Variants in ILRUN observed in about 807,000 individuals in gnomAD.
ILRUN encodes the protein inflammation and lipid regulator with UBA-like and NBR1-like domains, also known as protein ILRUN.
In ILRUN, 3 loss-of-function variants were observed where a neutral mutation model predicts 33.8. The ratio of observed to expected loss-of-function variants is 0.09; its 90% CI spans 0.04 to 0.23. The LOEUF is 0.23. Ranked by LOEUF, ILRUN falls within the 10% of genes least tolerant of loss-of-function variation. The pLI is 1.00. For missense variants in ILRUN, 210 were observed against 375.1 expected, an observed-to-expected ratio of 0.56 and a Z score of 3.64; for synonymous variants, 124 against 138.9, an observed-to-expected ratio of 0.89 and a Z score of 0.75.
chr6:34,621,876 T>C lies in ILRUN; in HGVS notation c.512-14972A>G, dbSNP rs371517741. Among the ~76,000 whole-genome samples, 439 of 149,456 alleles carry C rather than the reference T, an allele frequency of 2.9e-3. 2 individuals are homozygous for C. Among genetic ancestry groups the C allele is most frequent in the African/African-American group, 0.01 (415 of 40,580 alleles). ...GACTCCAGCTCAAAAAAAAAACTAG[T>C]GTGGTACTGGCAGAAAGACAGACAT... is the stretch of plus-strand genomic sequence containing the variant. On this transcript the variant is annotated intron_variant, in intron 3 of 4. Coordinates refer to ENST00000374023, the MANE Select transcript of ILRUN (RefSeq NM_024294.4).
intron 1 of ILRUN, among the ~76,000 whole-genome samples, chr6:34,682,087 C>T (rs1383582993): frequency 6.9e-6 from 1 of 144,852 alleles, no homozygotes; most frequent in Non-Finnish European, 1.5e-5. Flanking sequence ...GTTGGCCAGG[C>T]TGGTCTCGAA....
chr6:34,669,109 T>C (rs553876403), intron 1 of ILRUN, among the ~76,000 whole-genome samples: 17 of 149,262 alleles, frequency 1.1e-4, no homozygotes, highest in African/African-American at 3.7e-4. Flanking sequence ...CCTCCCAAAG[T>C]GCTGGGATTA....
At chr6:34,614,455 TA>T in intron 3 of ILRUN, among the ~76,000 whole-genome samples, 1 of 139,816 alleles carries the variant, frequency 7.2e-6, no homozygotes, top group African/African-American at 2.8e-5. Context: ...TATATATATA[TA>T]AAATGTATAT....
At chr6:34,690,954 G>A (rs922095302) in intron 1 of ILRUN, among the ~76,000 whole-genome samples, 4 of 152,074 alleles carry the variant, frequency 2.6e-5, no homozygotes, top group Non-Finnish European at 4.4e-5. Flanking sequence ...GCGTGATCTC[G>A]GCTCACTGCA....
chr6:34,662,349 G>A (rs1346830647), intron 1 of ILRUN, among the ~76,000 whole-genome samples: 1 of 151,270 alleles, frequency 6.6e-6, no homozygotes, highest in Non-Finnish European at 1.5e-5. Flanking sequence ...ACATAGAAGA[G>A]AAGCTGGAGC....
intron 3 of ILRUN, among the ~76,000 whole-genome samples, chr6:34,611,162 T>G (rs1031271019): frequency 1.3e-5 from 2 of 150,494 alleles, no homozygotes; most frequent in African/African-American, 4.9e-5. Context: ...GTTGCCCAGG[T>G]TGGCAAACTC....
chr6:34,598,431 T>A lies in ILRUN; in HGVS notation c.862-7831A>T, dbSNP rs530911621. ...ATACCAGGAGCCATTCTTACACTTT[T>A]GAATTATACTTTATCTGTTTGAACC... On this transcript the variant is annotated intron_variant, in intron 4 of 4. Coordinates refer to ENST00000374023, the MANE Select transcript of ILRUN (RefSeq NM_024294.4). Among the ~76,000 whole-genome samples the A allele has an allele frequency of 4.6e-5, 7 of 152,360 alleles. No homozygotes were observed. The South Asian group carries it at 1.2e-3, about 27-fold the overall frequency.
In ILRUN at chr6:34,653,146, A is replaced by G. The variant is rs568964341; in HGVS notation, c.313+1479T>C. ...AGACCTTGTCTCAAAAAAAAAAAAA[A>G]AAAAAGAAAAAGAAAGAAAGAAAGA... On this transcript the variant is annotated intron_variant, in intron 2 of 4. Coordinates refer to ENST00000374023, the MANE Select transcript of ILRUN (RefSeq NM_024294.4). Among the ~76,000 whole-genome samples the G allele has an allele frequency of 8.0e-4, 111 of 138,648 alleles. 1 individual carries two copies. Among genetic ancestry groups the G allele is most frequent in the Admixed American group, 2.0e-3 (29 of 14,224 alleles). 91.0% of individuals were successfully genotyped at this position (138,648 alleles called of 152,430 possible).
At chr6:34,680,132 T>C (rs897236487) in intron 1 of ILRUN, among the ~76,000 whole-genome samples, 2 of 152,288 alleles carry the variant, frequency 1.3e-5, no homozygotes, top group African/African-American at 4.8e-5. Context: ...TTGAATTCCA[T>C]TTCCACCCAT....
chr6:34,615,352 T>G (rs1442546986), intron 3 of ILRUN, among the ~76,000 whole-genome samples: 1 of 152,050 alleles, frequency 6.6e-6, no homozygotes. Context: ...TCCCAGAACT[T>G]TGGGAGGCTG....
At chr6:34,658,486 T>C (rs1017924030) in intron 1 of ILRUN, among the ~76,000 whole-genome samples, 22 of 142,084 alleles carry the variant, frequency 1.5e-4, no homozygotes, top group African/African-American at 5.6e-4. Flanking sequence ...TAATTTTTCT[T>C]TTTCTTTTTT....
Position 34,605,323 on chromosome 6 carries a change from A to C in ILRUN, c.861+1232T>G, listed in dbSNP as rs796977069. 3.1e-3 allele frequency among the ~76,000 whole-genome samples: 397 copies of C among 129,196 alleles called. 2 individuals carry two copies. Among genetic ancestry groups the C allele is most frequent in the African/African-American group, 0.011 (344 of 31,616 alleles). The allele number at this position is 129,196 out of a possible 152,430, so 84.8% of individuals were successfully genotyped here. A position where few individuals can be genotyped will look rare whatever the true frequency, so the allele number is the denominator to read the frequency against. Reference sequence around the variant, plus strand: ...CTCCGTCTCCAAAACAAAAACAAAAAAAAAAAAAAAAAAAAAAAGGAGGGC... The same window carrying C: ...CTCCGTCTCCAAAACAAAAACAAAACAAAAAAAAAAAAAAAAAAGGAGGGC... On this transcript the variant is annotated intron_variant, in intron 4 of 4. Coordinates refer to ENST00000374023, the MANE Select transcript of ILRUN (RefSeq NM_024294.4).
In ILRUN at chr6:34,691,713, T is replaced by C. The variant is rs6911083; in HGVS notation, c.158+4733A>G. Among the ~76,000 whole-genome samples the C allele has an allele frequency of 7.3e-3, 1,115 of 152,102 alleles. 22 individuals are homozygous for C. Among genetic ancestry groups the C allele is most frequent in the African/African-American group, 0.026 (1,060 of 41,470 alleles). Reference sequence around the variant, plus strand: ...CGGGAGGCTGAGGCAGGAGAATCTCTTGAACCCGGGAGGCAGAGGTTGCAG... The same window carrying C: ...CGGGAGGCTGAGGCAGGAGAATCTCCTGAACCCGGGAGGCAGAGGTTGCAG... On this transcript the variant is annotated intron_variant, in intron 1 of 4. Coordinates refer to ENST00000374023, the MANE Select transcript of ILRUN (RefSeq NM_024294.4).
At chr6:34,606,967 C>A in intron 3 of ILRUN, 63 bp from the exon 4 acceptor site, 1 of 1,215,436 alleles carries the variant, frequency 8.2e-7, no homozygotes, top group Non-Finnish European at 1.2e-6. Flanking sequence ...AGATAGCCAC[C>A]ACCAAAAACC....
chr6:34,663,814 G>A (rs983516508), intron 1 of ILRUN, among the ~76,000 whole-genome samples: 1 of 152,124 alleles, frequency 6.6e-6, no homozygotes, highest in African/African-American at 2.4e-5. Flanking sequence ...TAATGTCCCG[G>A]TCCCTGGAAC....
At chr6:34,602,783 CCTT>C (rs1430500692) in intron 4 of ILRUN, among the ~76,000 whole-genome samples, 2 of 152,182 alleles carry the variant, frequency 1.3e-5, no homozygotes, top group Non-Finnish European at 1.5e-5. Context: ...TTTTCTGACT[CCTT>C]CTGACAGCTC....
At chr6:34,647,850 A>G (rs978308474) in intron 2 of ILRUN, among the ~76,000 whole-genome samples, 4 of 152,254 alleles carry the variant, frequency 2.6e-5, no homozygotes, top group African/African-American at 7.2e-5. Flanking sequence ...GGTGTGAGCC[A>G]CAGCGCCTGG....
At chr6:34,666,949 A>G (rs1217055417) in intron 1 of ILRUN, among the ~76,000 whole-genome samples, 1 of 152,236 alleles carries the variant, frequency 6.6e-6, no homozygotes, top group Non-Finnish European at 1.5e-5. Context: ...ACTTTTAAAA[A>G]TAGCTTCTTT....
In ILRUN at chr6:34,589,339, G is replaced by A. The variant is rs186636645; in HGVS notation, c.*1226C>T. The A allele has an allele frequency of 4.0e-4, 61 of 152,372 alleles. No individual in the cohort carries two copies. Among genetic ancestry groups the A allele is most frequent in the African/African-American group, 1.4e-3 (60 of 41,590 alleles). 9.4% of individuals were successfully genotyped at this position (152,372 alleles called of 1,614,324 possible). A position where few individuals can be genotyped will look rare whatever the true frequency, so the allele number is the denominator to read the frequency against. On this transcript the variant is annotated 3_prime_UTR_variant, in exon 5 of 5. Coordinates refer to ENST00000374023, the MANE Select transcript of ILRUN (RefSeq NM_024294.4). ...GCCAATAATCTAGCATCCTGGCAGG[G>A]AGGCGGGGCTGTGGAGGTCCTCTCA...
Sources: allele counts gnomAD v4.1 joint callset (sites outside exome capture counted in the v4.1 genomes callset), GRCh38; gene constraint gnomAD v4.1.1; transcripts MANE v1.5; gene names NCBI Gene and HGNC (gene_info 2026-07-23, HGNC 2026-07-21).